Variants in ZNF142 observed in about 807,000 individuals in gnomAD.
ZNF142 encodes the protein zinc finger protein 142 (clone pHZ-49).
A neutral mutation model predicts 132.1 loss-of-function variants in ZNF142; 96 were observed. The ratio of observed to expected loss-of-function variants is 0.73; its 90% CI spans 0.62 to 0.86. The LOEUF (loss-of-function observed/expected upper bound fraction) is 0.86. ZNF142 is among the 40% of genes least tolerant of loss of function. The probability of loss-of-function intolerance (pLI) is 0.00; values close to 1 mark genes in which losing one functional copy is unlikely to be tolerated. For synonymous variants in ZNF142, 842 were observed against 890.1 expected (o/e 0.95, Z 0.96); for missense variants, 2,163 against 2,336.2 (o/e 0.93, Z 1.53).
intron 6 of ZNF142, among the ~76,000 whole-genome samples, chr2:218,649,846 C>T (rs1009474206): frequency 6.6e-6 from 1 of 152,134 alleles, no homozygotes. Context: ...GGGGGTGAGC[C>T]AAAAGAAGGT....
At position 218,649,409 on chromosome 2, in the gene ZNF142, C is replaced by A; in HGVS notation, c.1099G>T (p.Glu367Ter). 6.2e-7 allele frequency: 1 copy of A among 1,612,782 alleles called. No homozygotes were observed. The highest frequency in any genetic ancestry group is 8.5e-7 in the Non-Finnish European group (1 of 1,179,338). The change falls in exon 7 of 11, where the codon GAG becomes TAG. Residue 367 changes from glutamate to a stop codon, truncating the protein, a stop_gained. Coordinates refer to ENST00000411696, the MANE Select transcript of ZNF142 (RefSeq NM_001379659.1). LOFTEE classifies it high-confidence loss of function. ...ESLFKTHMCP[E>*]CKRCFKKRTH... ...CGCTTCTTAAAGCAGCGCTTACACT[C>A]TGGACACATATGGGTCTTGAAGAGG...
intron 7 of ZNF142, 95 bp downstream of exon 7, chr2:218,648,540 T>C (rs1937645458): frequency 3.3e-6 from 4 of 1,222,550 alleles, no homozygotes; most frequent in Admixed American, 4.9e-5. Flanking sequence ...TCTAGGAATT[T>C]TGGGTCAAAT....
In ZNF142 at chr2:218,635,896, C is replaced by T. The variant is rs1696709914; in HGVS notation, c.*2443G>A. 6.2e-7 allele frequency: 1 copy of T among 1,613,990 alleles called. No homozygotes were observed. Among genetic ancestry groups the T allele is most frequent in the Non-Finnish European group, 8.5e-7 (1 of 1,179,908 alleles). ...CAGATCTTTGGCGTTCGTCTAGACA[C>T]AGCACGGCAGGAGACCAACTATGTG... On this transcript the variant is annotated 3_prime_UTR_variant, in exon 11 of 11. Transcript: ENST00000411696.
Position 218,635,086 on chromosome 2 carries a change from G to A in ZNF142, c.*3253C>T, listed in dbSNP as rs957856307. Among the ~76,000 whole-genome samples, 2 of 151,714 alleles carry A rather than the reference G, an allele frequency of 1.3e-5. No individual in the cohort carries two copies. The highest frequency in any genetic ancestry group is 4.8e-5 in the African/African-American group (2 of 41,274). On this transcript the variant is annotated 3_prime_UTR_variant, in exon 11 of 11. Coordinates refer to ENST00000411696, the MANE Select transcript of ZNF142 (RefSeq NM_001379659.1). ...ACAAAAAATTTAAAAATTTTGTAGA[G>A]ACTCCCGTCTCTACAAAAAATTTAA...
chr2:218,645,484 AC>A (rs1440338702), intron 8 of ZNF142, among the ~76,000 whole-genome samples: 1 of 152,082 alleles, frequency 6.6e-6, no homozygotes, highest in African/African-American at 2.4e-5. Flanking sequence ...AGGTCTAGAA[AC>A]CCCTTAGCCA....
chr2:218,641,727 T>C (rs1697211598), intron 9 of ZNF142, among the ~76,000 whole-genome samples: 1 of 152,122 alleles, frequency 6.6e-6, no homozygotes, highest in African/African-American at 2.4e-5. Context: ...GTTTTTGTAA[T>C]GGGATCTCGC....
intron 9 of ZNF142, 125 bp from the exon 10 acceptor site, chr2:218,640,894 C>T: frequency 3.0e-6 from 2 of 659,008 alleles, no homozygotes; most frequent in Non-Finnish European, 5.1e-6. Context: ...CATTATGGAA[C>T]TTTGTTTTTC....
chr2:218,641,188 C>T (rs1224232843), intron 9 of ZNF142, among the ~76,000 whole-genome samples: 3 of 151,964 alleles, frequency 2.0e-5, no homozygotes, highest in Non-Finnish European at 4.4e-5. Context: ...ATCCTCTGGC[C>T]TTGGCCTCCC....
rs1030667926 is a variant in ZNF142 at position 218,644,969 on chromosome 2, A to G, written c.2147T>C (p.Val716Ala). ...RHQGKSLMCE[V>A]CAFACKRKYE... is the part of the protein sequence containing the mutation. ...CTTCCGCTTGCAGGCGAAGGCACAC[A>G]CCTCACACATCAGAGACTTGCCCTG... Residue 716 changes from valine (V) to alanine (A), a missense_variant, in exon 9 of 11, where the codon GTG becomes GCG. Val to Ala is a moderately conservative substitution (Grantham distance 64, BLOSUM62 0). Transcript: ENST00000411696. This position sits in a 1 kb window ranked among gnomAD's most constrained non-coding sequence, Gnocchi z 4.6. 1.6e-5 allele frequency: 26 copies of G among 1,613,956 alleles called. No homozygotes were observed. The highest frequency in any genetic ancestry group is 2.0e-5 in the Non-Finnish European group (24 of 1,180,012).
chr2:218,642,931 C>T lies in ZNF142; in HGVS notation c.4185G>A (p.Glu1395=), dbSNP rs376670636. 365 of 1,613,676 alleles carry T rather than the reference C, an allele frequency of 2.3e-4. 1 individual carries two copies. The highest frequency in any genetic ancestry group is 2.9e-4 in the Non-Finnish European group (347 of 1,179,928). The change falls in exon 9 of 11, where the codon GAG becomes GAA. Residue 1395 remains glutamate, a synonymous_variant. Transcript: ENST00000411696. The surrounding 1 kb of genome is among the most constrained non-coding windows in gnomAD (Gnocchi z 4.6). ...AGGGGCACTGATGGGGCTTCACCCC[C>T]TCGTGCTTGAGCCGCCGGTGCTGCT... ...CMQQHRRLKH[E]GVKPHQCPFC...
intron 4 of ZNF142, among the ~76,000 whole-genome samples, chr2:218,653,149 A>T (rs534528437): frequency 3.9e-5 from 6 of 152,040 alleles, no homozygotes; most frequent in Non-Finnish European, 7.4e-5. Context: ...GCGTGGTGGC[A>T]CGCACCTGTA....
At chr2:218,647,095 T>C (rs1697795777) in intron 7 of ZNF142, among the ~76,000 whole-genome samples, 1 of 152,120 alleles carries the variant, frequency 6.6e-6, no homozygotes, top group South Asian at 2.1e-4. Context: ...GTTCTTATTA[T>C]GTGACTAGCA....
rs1696574485 is a variant in ZNF142 at position 218,634,240 on chromosome 2, CT to C, written c.*4098del. On this transcript the variant is annotated 3_prime_UTR_variant, in exon 11 of 11. Transcript: ENST00000411696. The surrounding 1 kb of genome is among the most constrained non-coding windows in gnomAD (Gnocchi z 4.0). ...CAGATGGGTGAGGAGGCAGCAGGGA[CT>C]GGGAAGAGGGAGTGGAGGAGCAGCA... is the stretch of plus-strand genomic sequence containing the variant. The C allele has an allele frequency of 6.2e-6, 10 of 1,600,604 alleles. No individual in the cohort carries two copies. The highest frequency in any genetic ancestry group is 8.5e-6 in the Non-Finnish European group (10 of 1,173,438).
chr2:218,643,304 AACGGGG>A lies in ZNF142; in HGVS notation c.3806_3811del (p.Ser1269_Pro1270del). On this transcript the variant is annotated inframe_deletion, in exon 9 of 11. Transcript: ENST00000411696. ...CGGGGGAGCAGAGTCCCCATTGCTC[AACGGGG>A]ACACATCAGGCTGGGTCTGGGGGGT... 6.2e-7 allele frequency: 1 copy of A among 1,614,188 alleles called. No individual in the cohort carries two copies. The highest frequency in any genetic ancestry group is 8.5e-7 in the Non-Finnish European group (1 of 1,180,024).
chr2:218,656,943 C>T (rs1938566225), intron 3 of ZNF142, among the ~76,000 whole-genome samples: 1 of 151,786 alleles, frequency 6.6e-6, no homozygotes, highest in Admixed American at 6.6e-5. Context: ...TCAGCCTCCC[C>T]AATAGCTGGA....
chr2:218,642,182 C>G lies in ZNF142; in HGVS notation c.4934G>C (p.Gly1645Ala). The change falls in exon 9 of 11, where the codon GGG (glycine) becomes GCG (alanine). Residue 1645 changes from glycine to alanine, a missense_variant. By Grantham distance (60) the Gly-to-Ala change is moderately conservative (BLOSUM62 0). Around this residue, in one of 7 missense-constraint regions of ZNF142, gnomAD observed 325 missense variants for 367.8 expected, o/e 0.88. Transcript: ENST00000411696. This position sits in a 1 kb window ranked among gnomAD's most constrained non-coding sequence, Gnocchi z 4.6. ...CTTGTAGAGACGAGTGCCCCCATGCCCTTTCACATGGTGATCTAGTACCAG... is the reference window on the plus strand; with the variant it reads ...CTTGTAGAGACGAGTGCCCCCATGCGCTTTCACATGGTGATCTAGTACCAG... ...HQLVLDHHVK[G>A]HGGTRLYKCT... 1 of 1,614,180 alleles carries G rather than the reference C, an allele frequency of 6.2e-7. No individual in the cohort carries two copies. The highest frequency in any genetic ancestry group is 8.5e-7 in the Non-Finnish European group (1 of 1,180,038).
At position 218,644,479 on chromosome 2, in the gene ZNF142, C is replaced by A; in HGVS notation, c.2637G>T (p.Leu879=). ...CCTCTGCTGGGCTGGGACTGCCACC[C>A]AGGTCACCCCCATGGGGAGCCTCAC... ...EGSEAPHGGD[L]GGSPSPAEVE... The change falls in exon 9 of 11, where the codon CTG becomes CTT. Residue 879 remains leucine, a synonymous_variant. Transcript: ENST00000411696. The surrounding 1 kb of genome is among the most constrained non-coding windows in gnomAD (Gnocchi z 4.6). 1.2e-6 allele frequency: 2 copies of A among 1,614,006 alleles called. No homozygotes were observed. Among genetic ancestry groups the A allele is most frequent in the Non-Finnish European group, 1.7e-6 (2 of 1,180,018 alleles).
chr2:218,648,611 T>C (rs1003204285), intron 7 of ZNF142, 24 bp downstream of exon 7: 1 of 1,599,164 alleles, frequency 6.3e-7, no homozygotes, highest in Admixed American at 1.7e-5. Context: ...TACAACATTA[T>C]TTTAAGGATG....
rs757676073 is a variant in ZNF142, at chr2:218,638,678, C to A, written c.5325G>T (p.Lys1775Asn). Residue 1775 changes from lysine (K) to asparagine (N), a missense_variant, in exon 11 of 11, where the codon AAG becomes AAT. This residue lies in a region of ZNF142 where 325 missense variants were observed against 367.8 expected (regional missense o/e 0.88). Transcript: ENST00000411696. ...GGTGGGTGCGCAGCAGGAAGCGCGT[C>A]TTGAAGGCCTTGCCACACTGCTCAC... ...FMCEQCGKAFKTRFLLRTHLR... is the reference protein window; with the variant it reads ...FMCEQCGKAFNTRFLLRTHLR... 6.2e-7 allele frequency: 1 copy of A among 1,614,096 alleles called. No homozygotes were observed. Among genetic ancestry groups the A allele is most frequent in the Non-Finnish European group, 8.5e-7 (1 of 1,180,048 alleles).
Sources: allele counts gnomAD v4.1 joint callset (sites outside exome capture counted in the v4.1 genomes callset), GRCh38; gene constraint gnomAD v4.1.1; regional missense constraint gnomAD v4.1.1; non-coding constraint Gnocchi (gnomAD v3.1); transcripts MANE v1.5; gene names NCBI Gene and HGNC (gene_info 2026-07-23, HGNC 2026-07-21).